The following DDAH1 variants were observed in gnomAD, a reference collection of about 807,000 sequenced individuals.
DDAH1 encodes N(G),N(G)-dimethylarginine dimethylaminohydrolase 1.
Under a neutral mutation model 28.8 loss-of-function variants are expected in DDAH1, and 19 were observed. The ratio of observed to expected loss-of-function variants is 0.66; its 90% CI spans 0.46 to 0.97. DDAH1 has a LOEUF of 0.97. Among genes scored for constraint, DDAH1 ranks in the 50% least tolerant of loss-of-function variants. The probability of loss-of-function intolerance (pLI) is 0.00; values close to 1 mark genes in which losing one functional copy is unlikely to be tolerated. For missense variants in DDAH1, 326 were observed against 375.9 expected (o/e 0.87, Z 1.10); for synonymous variants, 153 against 154.4 (o/e 0.99, Z 0.07).
intron 1 of DDAH1, among the ~76,000 whole-genome samples, chr1:85,411,681 T>A (rs1474687760): frequency 6.6e-6 from 1 of 152,218 alleles, no homozygotes; most frequent in Non-Finnish European, 1.5e-5. Flanking sequence ...ACATCTGCAG[T>A]TCCTGATAGC....
chr1:85,518,690 T>C (rs1657558968), intron 1 of DDAH1, among the ~76,000 whole-genome samples: 1 of 152,172 alleles, frequency 6.6e-6, no homozygotes, highest in South Asian at 2.1e-4. Flanking sequence ...GATCTCTCCA[T>C]TTTTAGGTTC....
At chr1:85,379,116 C>T (rs1570457922) in intron 1 of DDAH1, among the ~76,000 whole-genome samples, 1 of 152,276 alleles carries the variant, frequency 6.6e-6, no homozygotes, top group South Asian at 2.1e-4. Flanking sequence ...TTGTTTTTAA[C>T]CTCAAGGGAA....
At chr1:85,392,392 C>T (rs1651595225) in intron 1 of DDAH1, among the ~76,000 whole-genome samples, 1 of 152,140 alleles carries the variant, frequency 6.6e-6, no homozygotes, top group Admixed American at 6.5e-5. Context: ...GACTCTATCT[C>T]CAGATAAGAT....
At chr1:85,447,230 G>A (rs1240778685) in intron 1 of DDAH1, among the ~76,000 whole-genome samples, 2 of 152,190 alleles carry the variant, frequency 1.3e-5, no homozygotes, top group African/African-American at 4.8e-5. Context: ...CCAGAGCTGG[G>A]CACCTGAACT....
intron 3 of DDAH1, among the ~76,000 whole-genome samples, chr1:85,351,025 T>C (rs1331029573): frequency 6.6e-6 from 1 of 151,784 alleles, no homozygotes; most frequent in Non-Finnish European, 1.5e-5. Context: ...CTAAAAAAAA[T>C]CTGTATTTCA....
At position 85,358,769 on chromosome 1, in the gene DDAH1, C is replaced by T. The variant is rs1251907151; in HGVS notation, c.382G>A (p.Gly128Ser). The change falls in exon 2 of 6, where the codon GGC becomes AGC. Residue 128 changes from glycine to serine, a missense_variant. Transcript: ENST00000284031. Reference protein sequence around the residue: ...EMKDENATLDGGDVLFTGREF... With the variant: ...EMKDENATLDSGDVLFTGREF... ...ATACCTGTGAATAAAACATCTCCGC[C>T]ATCTAAAGTTGCATTTTCATCTTTC... The T allele has an allele frequency of 6.2e-7, 1 of 1,609,948 alleles. No homozygotes were observed. The highest frequency in any genetic ancestry group is 8.5e-7 in the Non-Finnish European group (1 of 1,177,580).
intron 1 of DDAH1, among the ~76,000 whole-genome samples, chr1:85,538,657 A>G (rs1658369428): frequency 6.6e-6 from 1 of 152,236 alleles, no homozygotes; most frequent in Non-Finnish European, 1.5e-5. Flanking sequence ...CAAAGCTACT[A>G]AAGCAACCGC....
At chr1:85,486,713 GA>G (rs1003229069) in intron 2 of DDAH1, among the ~76,000 whole-genome samples, 2 of 152,146 alleles carry the variant, frequency 1.3e-5, no homozygotes, top group Admixed American at 1.3e-4. Context: ...GGTGATATTA[GA>G]AAAGGAACAC....
chr1:85,527,828 T>C (rs1273062701), intron 1 of DDAH1, among the ~76,000 whole-genome samples: 4 of 152,214 alleles, frequency 2.6e-5, no homozygotes, highest in African/African-American at 9.6e-5. Context: ...TCAGAAGTTC[T>C]ATTTTGAATT....
At chr1:85,477,832 T>C (rs2100711953) in intron 2 of DDAH1, among the ~76,000 whole-genome samples, 1 of 152,156 alleles carries the variant, frequency 6.6e-6, no homozygotes, top group East Asian at 1.9e-4. Flanking sequence ...TATGCATCAA[T>C]AAAAAAATGC....
chr1:85,476,448 C>T lies in DDAH1; in HGVS notation c.-7+19718G>A, dbSNP rs555399493. ...AACCACTTTCCAGCTGACTTTCTCACGCACATCTCTAGTGCCTCAGTGTTG... is the reference window on the plus strand; with the variant it reads ...AACCACTTTCCAGCTGACTTTCTCATGCACATCTCTAGTGCCTCAGTGTTG... On this transcript the variant is annotated intron_variant, in intron 2 of 6. Transcript: ENST00000426972. 6.6e-5 allele frequency among the ~76,000 whole-genome samples: 10 copies of T among 152,288 alleles called. No individual in the cohort carries two copies. In the South Asian group the frequency reaches 1.0e-3, roughly 16 times the overall value.
intron 1 of DDAH1, among the ~76,000 whole-genome samples, chr1:85,419,488 C>G (rs1013200274): frequency 7.3e-6 from 1 of 136,646 alleles, no homozygotes; most frequent in Non-Finnish European, 1.5e-5. Context: ...TGCAGTTAGC[C>G]AAGATCACAC....
chr1:85,350,453 C>A lies in DDAH1; in HGVS notation c.559G>T (p.Ala187Ser), dbSNP rs147415500. The A allele has an allele frequency of 1.2e-6, 2 of 1,613,974 alleles. No homozygotes were observed. Among genetic ancestry groups the A allele is most frequent in the Non-Finnish European group, 1.7e-6 (2 of 1,179,988 alleles). ...TGTGCAGATTCACTAGACCCAATTG[C>A]GATCAGGTTAGGCCCAGCCATGCTG... Reference protein sequence around the residue: ...FCSMAGPNLIAIGSSESAQKA... With the variant: ...FCSMAGPNLISIGSSESAQKA... The change falls in exon 4 of 6, where the codon GCA (alanine) becomes TCA (serine). Residue 187 changes from alanine to serine, a missense_variant. Transcript: ENST00000284031.
intron 1 of DDAH1, among the ~76,000 whole-genome samples, chr1:85,546,212 C>A (rs1404230707): frequency 2.0e-5 from 3 of 151,398 alleles, no homozygotes; most frequent in Non-Finnish European, 4.4e-5. Flanking sequence ...GGTGATTAGG[C>A]CATGGCAACT....
At chr1:85,371,505 A>G (rs1178336122) in intron 1 of DDAH1, among the ~76,000 whole-genome samples, 1 of 152,196 alleles carries the variant, frequency 6.6e-6, no homozygotes, top group African/African-American at 2.4e-5. Flanking sequence ...TACCTCAAAC[A>G]ACAACAAAAA....
At chr1:85,565,757 A>T (rs956922228) in intron 1 of DDAH1, among the ~76,000 whole-genome samples, 4 of 152,204 alleles carry the variant, frequency 2.6e-5, no homozygotes, top group Non-Finnish European at 5.9e-5. Flanking sequence ...CTCATTTTGT[A>T]TATCTTTCTA....
chr1:85,527,528 GA>G (rs1170321493), intron 1 of DDAH1, among the ~76,000 whole-genome samples: 1 of 152,184 alleles, frequency 6.6e-6, no homozygotes, highest in African/African-American at 2.4e-5. Flanking sequence ...GATGGAGGAA[GA>G]AATCATTAAA....
Position 85,369,861 on chromosome 1 carries a change from A to G in DDAH1, c.304-11014T>C, listed in dbSNP as rs75585887. ...CAGGAACAGCCTTTCTGAAAGTGTG[A>G]CATTTGTGCTGATATCTGAGTGACC... On this transcript the variant is annotated intron_variant, in intron 1 of 5. Coordinates refer to ENST00000284031, the MANE Select transcript of DDAH1 (RefSeq NM_012137.4). Among the ~76,000 whole-genome samples the G allele has an allele frequency of 5.9e-3, 903 of 152,300 alleles. 12 individuals carry two copies. The highest frequency in any genetic ancestry group is 0.036 in the East Asian group (185 of 5,184).
rs1343076961 is a variant in DDAH1 at position 85,358,817 on chromosome 1, GT to G, written c.333del (p.Lys111AsnfsTer6). The G allele has an allele frequency of 6.2e-7, 1 of 1,609,996 alleles. No homozygotes were observed. Among genetic ancestry groups the G allele is most frequent in the African/African-American group, 1.3e-5 (1 of 74,692 alleles). The stretch of plus-strand genomic sequence containing the variant: ...TTCATCTCTACTATATTGAGCTGAA[GT>G]TTTTCTAATGCTTCTTTCATCATGT... ...EVDMMKEALE[K>X]LQLNIVEMKD... On this transcript the variant is annotated frameshift_variant, in exon 2 of 6. Transcript: ENST00000284031. LOFTEE classifies it high-confidence loss of function.
Sources: gnomAD v4.1 joint callset for allele counts (sites outside exome capture counted in the v4.1 genomes callset) on GRCh38, gnomAD v4.1.1 for gene constraint, MANE v1.5 for transcripts, NCBI Gene and HGNC (gene_info 2026-07-23, HGNC 2026-07-21) for gene names.